The following SLC22A23 variants were observed in gnomAD, a reference collection of about 807,000 sequenced individuals.
The protein encoded by SLC22A23 is ion transporter protein.
In SLC22A23, 26 loss-of-function variants were observed where a neutral mutation model predicts 61.0. That is an observed-to-expected ratio of 0.43 (90% CI 0.31 to 0.59). The LOEUF is 0.59. SLC22A23 is among the 20% of genes least tolerant of loss of function. The pLI, the probability that SLC22A23 is intolerant of heterozygous loss-of-function variation, is 0.11. For synonymous variants in SLC22A23, 430 were observed against 413.9 expected (o/e 1.04, Z -0.47); for missense variants, 796 against 934.7 (o/e 0.85, Z 1.94).
chr6:3,410,222 G>A lies in SLC22A23; in HGVS notation c.879C>T (p.Cys293=), dbSNP rs746370965. ...ACAAGGTGAGAATGATTCCAGCCAG[G>A]CAAAATCCTTCAAAGAACCTGAGTG... ...FSTLRFFEGF[C]LAGIILTLYA... is the part of the protein sequence containing the mutation. Residue 293 remains cysteine, a synonymous_variant, in exon 3 of 10, where the codon TGC becomes TGT. Transcript: ENST00000406686. This position sits in a 1 kb window ranked among gnomAD's most constrained non-coding sequence, Gnocchi z 5.0. 1.2e-6 allele frequency: 2 copies of A among 1,613,772 alleles called. No individual in the cohort carries two copies. The highest frequency in any genetic ancestry group is 2.2e-5 in the East Asian group (1 of 44,832).
chr6:3,437,734 G>A (rs1581890763), intron 1 of SLC22A23, among the ~76,000 whole-genome samples: 1 of 137,960 alleles, frequency 7.2e-6, no homozygotes, highest in South Asian at 2.5e-4. Flanking sequence ...ACCCACTCTG[G>A]AACTTACTAG....
intron 3 of SLC22A23, among the ~76,000 whole-genome samples, chr6:3,400,484 C>T (rs893137103): frequency 5.3e-5 from 8 of 152,236 alleles, no homozygotes; most frequent in Non-Finnish European, 1.0e-4. Context: ...AGGATGGTGG[C>T]CATCACGTCA....
At position 3,456,240 on chromosome 6, in the gene SLC22A23, G is replaced by A; in HGVS notation, c.320C>T (p.Ala107Val). ...GAACTGGCTGAAGCCGATGAACAGC[G>A]CCGGGATCCAGGTGAGCAGCACGAG... ...KTLVLLTWIP[A>V]LFIGFSQFSD... Residue 107 changes from alanine (A) to valine (V), a missense_variant, in exon 1 of 10, where the codon GCG (alanine) becomes GTG (valine). Ala to Val is a moderately conservative substitution (Grantham distance 64, BLOSUM62 0). Transcript: ENST00000406686. The surrounding 1 kb of genome is among the most constrained non-coding windows in gnomAD (Gnocchi z 7.1). 6.4e-7 allele frequency: 1 copy of A among 1,551,452 alleles called. No homozygotes were observed. The highest frequency in any genetic ancestry group is 1.4e-5 in the African/African-American group (1 of 73,144).
chr6:3,348,372 G>C (rs547937020), intron 3 of SLC22A23, among the ~76,000 whole-genome samples: 1 of 152,280 alleles, frequency 6.6e-6, no homozygotes, highest in African/African-American at 2.4e-5. Flanking sequence ...ACAAGCTTCT[G>C]TTTTCTCTTC....
At chr6:3,273,989 T>C (rs918565306) in intron 9 of SLC22A23, among the ~76,000 whole-genome samples, 2 of 152,132 alleles carry the variant, frequency 1.3e-5, no homozygotes, top group African/African-American at 2.4e-5. Context: ...CATACCACCA[T>C]TGGAAACGGT....
chr6:3,357,751 T>C (rs1011567522), intron 3 of SLC22A23, among the ~76,000 whole-genome samples: 13 of 152,072 alleles, frequency 8.5e-5, no homozygotes, highest in African/African-American at 2.7e-4. Context: ...GAGGATGAGG[T>C]AGCACCATGC....
At chr6:3,367,312 C>T (rs1765899614) in intron 3 of SLC22A23, among the ~76,000 whole-genome samples, 1 of 152,164 alleles carries the variant, frequency 6.6e-6, no homozygotes, top group Admixed American at 6.5e-5. Flanking sequence ...GTTGGGTATT[C>T]AAAGCCTATT....
chr6:3,273,177 C>G lies in SLC22A23; in HGVS notation c.1939G>C (p.Gly647Arg). The G allele has an allele frequency of 6.2e-7, 1 of 1,613,034 alleles. No individual in the cohort carries two copies. The highest frequency in any genetic ancestry group is 8.5e-7 in the Non-Finnish European group (1 of 1,179,836). ...TTGGTGAGCAGCAGTGGCTGCTCCC[C>G]CTTCTTGTGCGGCAGCAGCGGCTGG... is the stretch of plus-strand genomic sequence containing the variant. The part of the protein sequence containing the change: ...TRQPLLPHKK[G>R]EQPLLLTNAE... Residue 647 changes from glycine to arginine, a missense_variant, in exon 10 of 10, where the codon GGG becomes CGG. Physicochemically the swap from Gly to Arg is moderately radical, Grantham distance 125 (BLOSUM62 -2). Transcript: ENST00000406686.
rs529744898 is a variant in SLC22A23, at chr6:3,450,872, A to G, written c.654+5034T>C. ...AAAGTGTTACTGTTGCAATGATATA[A>G]TTATTTCTAGTCTTAATTAAATTGT... On this transcript the variant is annotated intron_variant, in intron 1 of 9. Coordinates refer to ENST00000406686, the MANE Select transcript of SLC22A23 (RefSeq NM_015482.2). 3.3e-5 allele frequency among the ~76,000 whole-genome samples: 5 copies of G among 152,360 alleles called. No individual in the cohort carries two copies. The East Asian group carries it at 9.6e-4, about 29-fold the overall frequency.
intron 1 of SLC22A23, among the ~76,000 whole-genome samples, chr6:3,425,984 T>C (rs896105747): frequency 9.2e-5 from 14 of 152,234 alleles, no homozygotes; most frequent in Non-Finnish European, 2.9e-5. Context: ...ATACACTTTA[T>C]GTGCATATAG....
At chr6:3,411,661 C>T (rs773816630) in intron 2 of SLC22A23, among the ~76,000 whole-genome samples, 17 of 152,110 alleles carry the variant, frequency 1.1e-4, no homozygotes, top group Non-Finnish European at 2.2e-4. Context: ...TGGCCTTACC[C>T]TATAGAGATA....
chr6:3,410,177 C>G lies in SLC22A23; in HGVS notation c.913+11G>C, dbSNP rs754827926. On this transcript the variant is annotated intron_variant, in intron 3 of 9. Coordinates refer to ENST00000406686, the MANE Select transcript of SLC22A23 (RefSeq NM_015482.2). This position sits in a 1 kb window ranked among gnomAD's most constrained non-coding sequence, Gnocchi z 5.0. The stretch of plus-strand genomic sequence containing the variant: ...ATTCTTTCAAGACTAGTCGTGAAGG[C>G]TCCTACTTACGTAAAGCATACAAGG... The G allele has an allele frequency of 1.2e-5, 19 of 1,603,462 alleles. No homozygotes were observed. The highest frequency in any genetic ancestry group is 1.7e-5 in the Admixed American group (1 of 57,642).
At position 3,287,002 on chromosome 6, in the gene SLC22A23, T is replaced by C. The variant is rs1258698168; in HGVS notation, c.1403A>G (p.Asp468Gly). The C allele has an allele frequency of 6.2e-7, 1 of 1,614,040 alleles. No individual in the cohort carries two copies. The highest frequency in any genetic ancestry group is 1.3e-5 in the African/African-American group (1 of 74,914). ...CGCGATGCTGGCCGTGGTATAGTAG[T>C]CAGCATAGAAGTTCTCCAGGAGCGG... Reference protein sequence around the residue: ...KVPLLENFYADYYTTASIALV... With the variant: ...KVPLLENFYAGYYTTASIALV... Residue 468 changes from aspartate (D) to glycine (G), a missense_variant, in exon 7 of 10, where the codon GAC (aspartate) becomes GGC (glycine). Coordinates refer to ENST00000406686, the MANE Select transcript of SLC22A23 (RefSeq NM_015482.2).
intron 3 of SLC22A23, among the ~76,000 whole-genome samples, chr6:3,383,231 T>A (rs1019284660): frequency 6.6e-6 from 1 of 152,234 alleles, no homozygotes; most frequent in Non-Finnish European, 1.5e-5. Flanking sequence ...ACGGTATGAT[T>A]TGACTTATTA....
intron 1 of SLC22A23, 147 bp downstream of exon 1, chr6:3,455,759 G>C (rs1772367006): frequency 1.0e-6 from 1 of 981,022 alleles, no homozygotes; most frequent in Non-Finnish European, 1.4e-6. Context: ...TGTGGTTTGG[G>C]GGACGGAAGG....
At chr6:3,374,738 C>T (rs1034870815) in intron 3 of SLC22A23, among the ~76,000 whole-genome samples, 4 of 152,198 alleles carry the variant, frequency 2.6e-5, no homozygotes, top group Admixed American at 2.6e-4. Context: ...TGACAAGTTG[C>T]TGCTGGAATC....
At chr6:3,300,079 C>T (rs994742431) in intron 4 of SLC22A23, among the ~76,000 whole-genome samples, 1 of 132,548 alleles carries the variant, frequency 7.5e-6, no homozygotes, top group African/African-American at 2.8e-5. Context: ...GGTGTGATCT[C>T]AGCTCACTGC....
chr6:3,294,571 C>G (rs1028237864), intron 5 of SLC22A23, among the ~76,000 whole-genome samples: 1 of 152,206 alleles, frequency 6.6e-6, no homozygotes, highest in African/African-American at 2.4e-5. Context: ...GTGTGGCACT[C>G]ATCCCGGGTC....
intron 9 of SLC22A23, among the ~76,000 whole-genome samples, chr6:3,282,908 C>T (rs992145247): frequency 1.3e-5 from 2 of 152,144 alleles, no homozygotes; most frequent in Non-Finnish European, 2.9e-5. Flanking sequence ...AGGGGTCAGC[C>T]TCACTTTCCG....
Sources: gnomAD v4.1 joint callset for allele counts (sites outside exome capture counted in the v4.1 genomes callset) on GRCh38, gnomAD v4.1.1 for gene constraint, Gnocchi (gnomAD v3.1) non-coding constraint, MANE v1.5 for transcripts, NCBI Gene and HGNC (gene_info 2026-07-23, HGNC 2026-07-21) for gene names.